Variants in FNDC3A observed in about 807,000 individuals in gnomAD.
FNDC3A encodes fibronectin type-III domain-containing protein 3A.
A neutral mutation model predicts 148.9 loss-of-function variants in FNDC3A; 32 were observed. That is an observed-to-expected ratio of 0.21 (90% confidence interval 0.16 to 0.29). The LOEUF is 0.29. Among genes scored for constraint, FNDC3A ranks in the 10% least tolerant of loss-of-function variants. The pLI, the probability that FNDC3A is intolerant of heterozygous loss-of-function variation, is 1.00. For synonymous variants in FNDC3A, 472 were observed against 473.6 expected, an observed-to-expected ratio of 1.00 and a Z score of 0.04; for missense variants, 1,191 against 1,452.8, an observed-to-expected ratio of 0.82 and a Z score of 2.93.
At chr13:49,026,354 A>C (rs1873710711) in intron 2 of FNDC3A, among the ~76,000 whole-genome samples, 1 of 152,268 alleles carries the variant, frequency 6.6e-6, no homozygotes. Context: ...TCTGAGGAAA[A>C]TTCATCAACA....
At position 49,102,133 on chromosome 13, in the gene FNDC3A, C is replaced by CT. The variant is rs367546672; in HGVS notation, c.176-12513dup. The stretch of plus-strand genomic sequence containing the variant: ...GATTACAGGCATGAAGCAAGCGTAG[C>CT]TTTTTTTTTCTTGATTTTTTTAAGC... On this transcript the variant is annotated intron_variant, in intron 3 of 25. Coordinates refer to ENST00000492622, the MANE Select transcript of FNDC3A (RefSeq NM_001079673.2). Among the ~76,000 whole-genome samples the CT allele has an allele frequency of 4.1e-3, 624 of 150,720 alleles. 3 individuals carry two copies. The highest frequency in any genetic ancestry group is 0.014 in the African/African-American group (588 of 41,096).
At chr13:48,990,488 G>T (rs531719745) in intron 1 of FNDC3A, among the ~76,000 whole-genome samples, 3 of 149,872 alleles carry the variant, frequency 2.0e-5, no homozygotes, top group Non-Finnish European at 3.0e-5. Context: ...GTGGTGGCTC[G>T]TGCCTGTAAT....
rs774465353 is a variant in FNDC3A at position 49,131,394 on chromosome 13, T to A, written c.490+20T>A. 7 of 1,504,432 alleles carry A rather than the reference T, an allele frequency of 4.7e-6. No homozygotes were observed. The highest frequency in any genetic ancestry group is 1.1e-5 in the South Asian group (1 of 88,832). The allele number at this position is 1,504,432 out of a possible 1,614,324, so 93.2% of individuals were successfully genotyped here. A position where few individuals can be genotyped will look rare whatever the true frequency, so the allele number is the denominator to read the frequency against. The stretch of plus-strand genomic sequence containing the variant: ...ATGTAGGTAAGACATCTAAAAGTAT[T>A]CCACTGTTATTGAGTTGGATATTCT... On this transcript the variant is annotated intron_variant, in intron 5 of 25. Coordinates refer to ENST00000492622, the MANE Select transcript of FNDC3A (RefSeq NM_001079673.2).
At chr13:49,126,461 C>G (rs1344128464) in intron 4 of FNDC3A, among the ~76,000 whole-genome samples, 1 of 152,078 alleles carries the variant, frequency 6.6e-6, no homozygotes, top group Non-Finnish European at 1.5e-5. Flanking sequence ...CTCCATTTTC[C>G]TCTCCCCTAA....
rs573283256 is a variant in FNDC3A at position 49,141,434 on chromosome 13, G to C, written c.819+2629G>C. ...TACCCCTTCCCTTTACCTTTTTGTG[G>C]TTACTAGAAGTACTATCTAACTCCA... On this transcript the variant is annotated intron_variant, in intron 7 of 25. Transcript: ENST00000492622. Among the ~76,000 whole-genome samples the C allele has an allele frequency of 4.6e-5, 7 of 151,884 alleles. No homozygotes were observed. In the South Asian group the frequency reaches 8.3e-4, roughly 18 times the overall value.
At chr13:49,185,918 T>A in intron 14 of FNDC3A, 46 bp from the exon 15 acceptor site, 1 of 1,458,278 alleles carries the variant, frequency 6.9e-7, no homozygotes, top group Non-Finnish European at 9.5e-7. Context: ...GCCAGTATCA[T>A]TAGGTATCAA....
chr13:49,098,420 G>T (rs1283404977), intron 3 of FNDC3A, among the ~76,000 whole-genome samples: 1 of 152,004 alleles, frequency 6.6e-6, no homozygotes, highest in Non-Finnish European at 1.5e-5. Flanking sequence ...AATCCTAAGT[G>T]CTCCTTCCTA....
chr13:49,090,837 A>T (rs994074691), intron 3 of FNDC3A, among the ~76,000 whole-genome samples: 1 of 151,886 alleles, frequency 6.6e-6, no homozygotes, highest in African/African-American at 2.4e-5. Flanking sequence ...ACTACTGAAA[A>T]TTTTTTAAAA....
intron 17 of FNDC3A, among the ~76,000 whole-genome samples, chr13:49,189,943 G>A (rs1008911098): frequency 6.6e-6 from 1 of 152,184 alleles, no homozygotes; most frequent in African/African-American, 2.4e-5. Context: ...CTGGAGTGCA[G>A]TGGCACGATC....
chr13:49,164,336 G>C (rs1195723685), intron 8 of FNDC3A, among the ~76,000 whole-genome samples: 1 of 151,976 alleles, frequency 6.6e-6, no homozygotes, highest in Non-Finnish European at 1.5e-5. Context: ...TTTTACTTTT[G>C]ACAGTTTGAC....
At chr13:49,142,317 C>T (rs970537681) in intron 7 of FNDC3A, among the ~76,000 whole-genome samples, 6 of 152,156 alleles carry the variant, frequency 3.9e-5, no homozygotes, top group African/African-American at 1.2e-4. Context: ...GGTTAGATCT[C>T]TTTCGTTTCT....
chr13:48,989,217 T>C (rs780912974), intron 1 of FNDC3A, among the ~76,000 whole-genome samples: 4 of 152,234 alleles, frequency 2.6e-5, no homozygotes, highest in Non-Finnish European at 4.4e-5. Flanking sequence ...CCGAGTCCCT[T>C]AGCCACATGT....
Position 49,207,292 on chromosome 13 carries a change from G to A in FNDC3A, c.3494G>A (p.Arg1165Gln), listed in dbSNP as rs143452842. ...NRDTVESTRT[R>Q]RALSDEQCAA... is the part of the protein sequence containing the mutation. ...GACACTGTGGAAAGCACAAGGACCC[G>A]ACGGGCACTGAGTGACGAGCAGTGT... Residue 1165 changes from arginine to glutamine, a missense_variant, in exon 26 of 26, where the codon CGA (arginine) becomes CAA (glutamine). Physicochemically the swap from Arg to Gln is conservative, Grantham distance 43 (BLOSUM62 1). Coordinates refer to ENST00000492622, the MANE Select transcript of FNDC3A (RefSeq NM_001079673.2). 400 of 1,614,124 alleles carry A rather than the reference G, an allele frequency of 2.5e-4. 4 individuals carry two copies. Among genetic ancestry groups the A allele is most frequent in the East Asian group, 2.2e-3 (100 of 44,880 alleles).
At chr13:49,167,947 T>G (rs1200518018) in intron 9 of FNDC3A, among the ~76,000 whole-genome samples, 3 of 152,200 alleles carry the variant, frequency 2.0e-5, no homozygotes, top group African/African-American at 7.2e-5. Context: ...ACATATCTTT[T>G]ACTACATCCT....
chr13:49,084,789 G>T lies in FNDC3A; in HGVS notation c.175+9425G>T, dbSNP rs1370478832. ...ATTGCTAACCTTTTGGTTTCAAGTGGCTCAGAACAGCTTCTCAGGAGTTAT... is the reference window on the plus strand; with the variant it reads ...ATTGCTAACCTTTTGGTTTCAAGTGTCTCAGAACAGCTTCTCAGGAGTTAT... On this transcript the variant is annotated intron_variant, in intron 3 of 25. Transcript: ENST00000492622. Among the ~76,000 whole-genome samples, 5 of 152,078 alleles carry T rather than the reference G, an allele frequency of 3.3e-5. No homozygotes were observed. In the East Asian group the frequency reaches 9.6e-4, roughly 29 times the overall value.
intron 5 of FNDC3A, among the ~76,000 whole-genome samples, chr13:49,134,841 C>CTTTTT (rs1168216037): frequency 1.9e-3 from 5 of 2,634 alleles, no homozygotes; most frequent in African/African-American, 3.5e-3. Flanking sequence ...GAGTTTCACT[C>CTTTTT]TTTTTTTTTT....
At chr13:49,187,419 C>T in intron 16 of FNDC3A, 6 of 1,045,682 alleles carry the variant, frequency 5.7e-6, no homozygotes, top group Non-Finnish European at 8.9e-6. Context: ...TGATCCACTT[C>T]CAGAGGCTGT....
intron 1 of FNDC3A, among the ~76,000 whole-genome samples, chr13:48,977,392 A>G (rs995498804): frequency 2.0e-5 from 3 of 152,252 alleles, no homozygotes; most frequent in South Asian, 4.1e-4. Flanking sequence ...TACTAAACAT[A>G]CGCCACTCAG....
At chr13:49,012,274 C>T (rs1201293627) in intron 2 of FNDC3A, among the ~76,000 whole-genome samples, 3 of 151,906 alleles carry the variant, frequency 2.0e-5, no homozygotes, top group Non-Finnish European at 2.9e-5. Flanking sequence ...CCACCATGCC[C>T]GGCTAATTTT....
Sources: allele counts gnomAD v4.1 joint callset (sites outside exome capture counted in the v4.1 genomes callset), GRCh38; gene constraint gnomAD v4.1.1; transcripts MANE v1.5; gene names NCBI Gene and HGNC (gene_info 2026-07-23, HGNC 2026-07-21).